Variants in PLXDC1 observed in about 807,000 individuals in gnomAD.
PLXDC1 encodes plexin domain-containing protein 1.
A neutral mutation model predicts 61.3 loss-of-function variants in PLXDC1; 39 were observed. The observed-to-expected ratio is 0.64, with a 90% CI of 0.49 to 0.83. PLXDC1 has a LOEUF of 0.83. Ranked by LOEUF, PLXDC1 falls within the 40% of genes least tolerant of loss-of-function variation. PLXDC1 has a pLI of 0.00. For missense variants in PLXDC1, 596 were observed against 666.5 expected (o/e 0.89, Z 1.17); for synonymous variants, 212 against 254.5 (o/e 0.83, Z 1.59).
At chr17:39,133,190 A>T (rs1469599443) in intron 2 of PLXDC1, among the ~76,000 whole-genome samples, 2 of 152,086 alleles carry the variant, frequency 1.3e-5, no homozygotes, top group African/African-American at 4.8e-5. Context: ...GGGGGTGGGC[A>T]GATAGTGGGA....
At chr17:39,101,843 C>T (rs977775801) in intron 7 of PLXDC1, among the ~76,000 whole-genome samples, 1 of 152,174 alleles carries the variant, frequency 6.6e-6, no homozygotes, top group African/African-American at 2.4e-5. Flanking sequence ...CGATATCATG[C>T]AGTGTTGCGT....
At chr17:39,148,052 G>GTCGA (rs1300216083) in intron 1 of PLXDC1, among the ~76,000 whole-genome samples, 1 of 152,112 alleles carries the variant, frequency 6.6e-6, no homozygotes, top group Admixed American at 6.6e-5. Context: ...TTAGTTATCT[G>GTCGA]TCGATCGGAG....
intron 1 of PLXDC1, among the ~76,000 whole-genome samples, chr17:39,148,417 G>A (rs1244272651): frequency 6.6e-6 from 1 of 150,988 alleles, no homozygotes; most frequent in East Asian, 1.9e-4. Context: ...GTCTTACTCT[G>A]TTGCCCAGGC....
intron 13 of PLXDC1, among the ~76,000 whole-genome samples, chr17:39,068,837 A>G (rs957804344): frequency 3.3e-5 from 5 of 152,142 alleles, no homozygotes; most frequent in Admixed American, 6.5e-5. Context: ...CCTGTGGGTT[A>G]ATGAGGCTGG....
intron 8 of PLXDC1, among the ~76,000 whole-genome samples, chr17:39,087,060 G>A (rs1314146503): frequency 6.6e-6 from 1 of 152,090 alleles, no homozygotes; most frequent in Non-Finnish European, 1.5e-5. Context: ...AGCATCCACC[G>A]CGGATCCTGT....
At chr17:39,123,197 C>T (rs1395879189) in intron 2 of PLXDC1, among the ~76,000 whole-genome samples, 3 of 152,102 alleles carry the variant, frequency 2.0e-5, no homozygotes, top group Non-Finnish European at 4.4e-5. Flanking sequence ...TTGCAAGGTT[C>T]CTCTTTTTTT....
rs981578569 is a variant in PLXDC1 at position 39,118,025 on chromosome 17, C to T, written c.256-8634G>A. On this transcript the variant is annotated intron_variant, in intron 2 of 13. Coordinates refer to ENST00000315392, the MANE Select transcript of PLXDC1 (RefSeq NM_020405.5). ...AATGAAAGCTATTGCCACCTACCCG[C>T]GGCGTTCTAGAGCCAGTCCTTTTAG... Among the ~76,000 whole-genome samples the T allele has an allele frequency of 1.9e-4, 29 of 152,156 alleles. 1 individual carries two copies. Among genetic ancestry groups the T allele is most frequent in the Admixed American group, 5.9e-4 (9 of 15,270 alleles).
intron 11 of PLXDC1, among the ~76,000 whole-genome samples, chr17:39,076,845 C>T (rs560693107): frequency 1.3e-5 from 2 of 152,258 alleles, no homozygotes; most frequent in Non-Finnish European, 2.9e-5. Context: ...AAGCAATTCT[C>T]CTGCCTCAGC....
chr17:39,097,428 C>T (rs968830837), intron 7 of PLXDC1, among the ~76,000 whole-genome samples: 4 of 152,022 alleles, frequency 2.6e-5, no homozygotes, highest in Non-Finnish European at 5.9e-5. Flanking sequence ...CCCTGCTTGC[C>T]GGATTGAATG....
In PLXDC1 at chr17:39,063,362, G is replaced by A. The variant is rs1908779405; in HGVS notation, c.*4478C>T. On this transcript the variant is annotated 3_prime_UTR_variant, in exon 14 of 14. Transcript: ENST00000315392. ...CCTCAGACAGTAGATAAAAATGCATGGGGTTTACTTCCAGGGATTTACAGA... is the reference window on the plus strand; with the variant it reads ...CCTCAGACAGTAGATAAAAATGCATAGGGTTTACTTCCAGGGATTTACAGA... 1.5e-6 allele frequency: 1 copy of A among 656,724 alleles called. No homozygotes were observed. Among genetic ancestry groups the A allele is most frequent in the South Asian group, 1.7e-5 (1 of 59,896 alleles). The allele number at this position is 656,724 out of a possible 1,614,324, so 40.7% of individuals were successfully genotyped here.
intron 7 of PLXDC1, among the ~76,000 whole-genome samples, chr17:39,104,239 C>T (rs963065181): frequency 2.0e-5 from 3 of 152,162 alleles, no homozygotes; most frequent in Admixed American, 6.5e-5. Flanking sequence ...TCACTCTTAT[C>T]CCTATTTTAC....
chr17:39,083,014 G>A (rs532633429), intron 9 of PLXDC1, among the ~76,000 whole-genome samples: 1 of 152,162 alleles, frequency 6.6e-6, no homozygotes, highest in Non-Finnish European at 1.5e-5. Context: ...GGTGTTTTGG[G>A]GTCATGGGTC....
Position 39,151,594 on chromosome 17 carries a change from C to A in PLXDC1, c.-157G>T, listed in dbSNP as rs867066572. On this transcript the variant is annotated 5_prime_UTR_variant, in exon 1 of 14. Coordinates refer to ENST00000315392, the MANE Select transcript of PLXDC1 (RefSeq NM_020405.5). This position sits in a 1 kb window ranked among gnomAD's most constrained non-coding sequence, Gnocchi z 5.2. Reference sequence around the variant, plus strand: ...GCGGGGCCGGGCGAGCCGGCAGGAGCGGCGAGAGCGCGAGCGGAGCTGGAG... The same window carrying A: ...GCGGGGCCGGGCGAGCCGGCAGGAGAGGCGAGAGCGCGAGCGGAGCTGGAG... 6 of 1,130,690 alleles carry A rather than the reference C, an allele frequency of 5.3e-6. No individual in the cohort carries two copies. The highest frequency in any genetic ancestry group is 5.4e-6 in the Non-Finnish European group (5 of 922,168). The allele number at this position is 1,130,690 out of a possible 1,614,324, so 70.0% of individuals were successfully genotyped here. A position where few individuals can be genotyped will look rare whatever the true frequency, so the allele number is the denominator to read the frequency against.
At chr17:39,098,899 C>T (rs1346898151) in intron 7 of PLXDC1, among the ~76,000 whole-genome samples, 1 of 152,148 alleles carries the variant, frequency 6.6e-6, no homozygotes, top group East Asian at 1.9e-4. Flanking sequence ...TGGAAATGCG[C>T]CTGCGTGGTT....
rs1264071429 is a variant in PLXDC1, at chr17:39,064,448, C to A, written c.*3392G>T. 6.6e-6 allele frequency: 1 copy of A among 152,124 alleles called. No individual in the cohort carries two copies. Among genetic ancestry groups the A allele is most frequent in the Non-Finnish European group, 1.5e-5 (1 of 68,034 alleles). The allele number at this position is 152,124 out of a possible 1,614,324, so 9.4% of individuals were successfully genotyped here. A position where few individuals can be genotyped will look rare whatever the true frequency, so the allele number is the denominator to read the frequency against. ...ATTTAGCTGGTTTGCAGGGGGAGTTCTTTCCCAGTGATGAGTTGGGGCTGC... is the reference window on the plus strand; with the variant it reads ...ATTTAGCTGGTTTGCAGGGGGAGTTATTTCCCAGTGATGAGTTGGGGCTGC... On this transcript the variant is annotated 3_prime_UTR_variant, in exon 14 of 14. Transcript: ENST00000315392.
rs758326638 is a variant in PLXDC1 at position 39,139,818 on chromosome 17, G to C, written c.91C>G (p.Pro31Ala). ...PQPGAGHDEG[P>A]GSGWAAKGTV... is the part of the protein sequence containing the mutation. ...CCTTTGGCAGCCCATCCAGAGCCTG[G>C]GCCCTCATCGTGACCTGGGAGAAGG... Residue 31 changes from proline to alanine, a missense_variant, in exon 2 of 14, where the codon CCA becomes GCA. Pro to Ala is a conservative substitution (Grantham distance 27, BLOSUM62 -1). Coordinates refer to ENST00000315392, the MANE Select transcript of PLXDC1 (RefSeq NM_020405.5). 3 of 1,604,714 alleles carry C rather than the reference G, an allele frequency of 1.9e-6. No homozygotes were observed. In the African/African-American group the frequency reaches 4.0e-5, roughly 21 times the overall value.
chr17:39,144,157 G>T (rs1319698477), intron 1 of PLXDC1, among the ~76,000 whole-genome samples: 2 of 152,130 alleles, frequency 1.3e-5, no homozygotes, highest in Non-Finnish European at 2.9e-5. Context: ...CCAGCTGGGG[G>T]TGGCCAGGGA....
chr17:39,128,502 G>A (rs1911426611), intron 2 of PLXDC1, among the ~76,000 whole-genome samples: 3 of 151,742 alleles, frequency 2.0e-5, no homozygotes, highest in Non-Finnish European at 2.9e-5. Flanking sequence ...TTACAGGCAT[G>A]AGCCACAGCA....
chr17:39,092,613 CACAG>C (rs1555571118), intron 7 of PLXDC1, among the ~76,000 whole-genome samples: 2 of 152,214 alleles, frequency 1.3e-5, no homozygotes, highest in Non-Finnish European at 2.9e-5. Flanking sequence ...TCCTGAGGTG[CACAG>C]ACAGACATCG....
Sources: gnomAD v4.1 joint callset for allele counts (sites outside exome capture counted in the v4.1 genomes callset) on GRCh38, gnomAD v4.1.1 for gene constraint, Gnocchi (gnomAD v3.1) non-coding constraint, MANE v1.5 for transcripts, NCBI Gene and HGNC (gene_info 2026-07-23, HGNC 2026-07-21) for gene names.